KCNH7: variants seen among roughly 807,000 people sequenced by gnomAD.
The protein encoded by KCNH7 is potassium voltage-gated channel subfamily H member 7, also known as voltage-gated inwardly rectifying potassium channel KCNH7.
A neutral mutation model predicts 120.8 loss-of-function variants in KCNH7; 49 were observed. The observed-to-expected ratio is 0.41, with a 90% CI of 0.32 to 0.51. The LOEUF is 0.51. Among genes scored for constraint, KCNH7 ranks in the 20% least tolerant of loss-of-function variants. The pLI, the probability that KCNH7 is intolerant of heterozygous loss-of-function variation, is 0.38. For synonymous variants in KCNH7, 547 were observed against 516.1 expected (o/e 1.06, Z -0.81); for missense variants, 1,097 against 1,446.6 (o/e 0.76, Z 3.92).
intron 2 of KCNH7, among the ~76,000 whole-genome samples, chr2:162,709,947 G>A (rs906485313): frequency 1.3e-5 from 2 of 152,132 alleles, no homozygotes; most frequent in African/African-American, 4.8e-5. Flanking sequence ...TAGTTTAACA[G>A]TAGATGTTGA....
chr2:162,710,377 T>C (rs1686884622), intron 2 of KCNH7, among the ~76,000 whole-genome samples: 1 of 152,178 alleles, frequency 6.6e-6, no homozygotes, highest in Non-Finnish European at 1.5e-5. Context: ...TCTATTTTTG[T>C]TTCCATTGAT....
At chr2:162,424,970 G>A (rs936648010) in intron 8 of KCNH7, among the ~76,000 whole-genome samples, 5 of 152,248 alleles carry the variant, frequency 3.3e-5, no homozygotes, top group African/African-American at 1.2e-4. Context: ...GAGGAGATTA[G>A]CATTTGGTTC....
At chr2:162,509,193 T>C (rs1039635144) in intron 5 of KCNH7, among the ~76,000 whole-genome samples, 1 of 151,566 alleles carries the variant, frequency 6.6e-6, no homozygotes, top group Non-Finnish European at 1.5e-5. Context: ...TTTAAAGATA[T>C]TTAAAATTTA....
At chr2:162,485,431 G>T (rs911905611) in intron 6 of KCNH7, among the ~76,000 whole-genome samples, 29 of 152,162 alleles carry the variant, frequency 1.9e-4, no homozygotes, top group African/African-American at 6.0e-4. Context: ...AAAGTGGAAA[G>T]AAGTAATACT....
At chr2:162,530,343 T>C (rs983566309) in intron 3 of KCNH7, among the ~76,000 whole-genome samples, 1 of 151,996 alleles carries the variant, frequency 6.6e-6, no homozygotes, top group Non-Finnish European at 1.5e-5. Context: ...CTTTATTTTG[T>C]CTCTATTTCA....
chr2:162,685,242 A>G (rs13015422), intron 2 of KCNH7, among the ~76,000 whole-genome samples: 25,753 of 151,842 alleles, frequency 0.17, 2,532 homozygotes, highest in East Asian at 0.46. Context: ...AATACCTAAC[A>G]TAGATAACAG....
intron 6 of KCNH7, among the ~76,000 whole-genome samples, chr2:162,494,977 C>G (rs987930770): frequency 6.6e-6 from 1 of 152,110 alleles, no homozygotes; most frequent in Non-Finnish European, 1.5e-5. Flanking sequence ...TTATTTTGAA[C>G]TATTTAGAGC....
At chr2:162,837,413 T>A (rs1685699728) in intron 1 of KCNH7, among the ~76,000 whole-genome samples, 1 of 152,220 alleles carries the variant, frequency 6.6e-6, no homozygotes, top group African/African-American at 2.4e-5. Flanking sequence ...ACAACCTTTT[T>A]ACTTTTACTT....
intron 7 of KCNH7, among the ~76,000 whole-genome samples, chr2:162,440,570 A>T (rs1025630983): frequency 6.6e-6 from 1 of 152,030 alleles, no homozygotes; most frequent in Non-Finnish European, 1.5e-5. Flanking sequence ...ATTTCTAAGG[A>T]TGCATTTACT....
intron 2 of KCNH7, among the ~76,000 whole-genome samples, chr2:162,571,891 C>A (rs919171681): frequency 2.3e-4 from 35 of 151,812 alleles, no homozygotes; most frequent in African/African-American, 7.2e-4. Context: ...ATACAAAAAT[C>A]AATTCAAGAT....
At chr2:162,472,354 A>C (rs1431906346) in intron 6 of KCNH7, among the ~76,000 whole-genome samples, 1 of 152,242 alleles carries the variant, frequency 6.6e-6, no homozygotes, top group East Asian at 1.9e-4. Flanking sequence ...CAAAGGGCTA[A>C]TACCCAGAAT....
chr2:162,702,665 A>G (rs16847161), intron 2 of KCNH7, among the ~76,000 whole-genome samples: 33,407 of 152,036 alleles, frequency 0.22, 5,248 homozygotes, highest in East Asian at 0.44. Context: ...TATTATTCAT[A>G]CATTTAAAGC....
At chr2:162,510,397 G>T (rs1166988223) in intron 5 of KCNH7, among the ~76,000 whole-genome samples, 2 of 151,526 alleles carry the variant, frequency 1.3e-5, no homozygotes, top group Admixed American at 6.6e-5. Flanking sequence ...AAGGGGAAAA[G>T]AATACATATC....
intron 13 of KCNH7, among the ~76,000 whole-genome samples, chr2:162,380,798 C>T (rs776590802): frequency 2.6e-5 from 4 of 151,980 alleles, no homozygotes; most frequent in Admixed American, 1.3e-4. Context: ...TTGGTAAATA[C>T]GGAGGAACTA....
chr2:162,645,487 A>T (rs566673187), intron 2 of KCNH7, among the ~76,000 whole-genome samples: 1 of 152,120 alleles, frequency 6.6e-6, no homozygotes, highest in Non-Finnish European at 1.5e-5. Flanking sequence ...TCACCATGGA[A>T]CAGAGGTACC....
intron 9 of KCNH7, among the ~76,000 whole-genome samples, chr2:162,422,257 G>A (rs777371818): frequency 4.6e-5 from 7 of 152,100 alleles, no homozygotes; most frequent in Non-Finnish European, 8.8e-5. Flanking sequence ...AATATTTGCA[G>A]TGCTTTCTGC....
chr2:162,762,631 T>C (rs528954196), intron 2 of KCNH7, among the ~76,000 whole-genome samples: 12 of 152,118 alleles, frequency 7.9e-5, no homozygotes, highest in African/African-American at 2.9e-4. Context: ...GTTTGTGTTT[T>C]GAAAGTCTGA....
At chr2:162,517,669 T>C (rs1467231586) in intron 4 of KCNH7, 61 bp downstream of exon 4, 5 of 1,324,020 alleles carry the variant, frequency 3.8e-6, no homozygotes, top group East Asian at 4.8e-5. Flanking sequence ...TCAAACAATA[T>C]GCAAATAATC....
chr2:162,700,369 T>C (rs1307186203), intron 2 of KCNH7, among the ~76,000 whole-genome samples: 1 of 152,196 alleles, frequency 6.6e-6, no homozygotes, highest in African/African-American at 2.4e-5. Context: ...GCAAGCTGAC[T>C]GACCTCGTGA....
Sources: allele counts gnomAD v4.1 joint callset (sites outside exome capture counted in the v4.1 genomes callset), GRCh38; gene constraint gnomAD v4.1.1; transcripts MANE v1.5; gene names NCBI Gene and HGNC (gene_info 2026-07-23, HGNC 2026-07-21).